GTF2IRD1: variants seen among roughly 807,000 people sequenced by gnomAD.
The protein encoded by GTF2IRD1 is GTF2I repeat domain containing 1.
A neutral mutation model predicts 113.2 loss-of-function variants in GTF2IRD1; 26 were observed. That is an observed-to-expected ratio of 0.23 (90% CI 0.17 to 0.32). The LOEUF (loss-of-function observed/expected upper bound fraction) is 0.32. Among genes scored for constraint, GTF2IRD1 ranks in the 10% least tolerant of loss-of-function variants. The pLI, the probability that GTF2IRD1 is intolerant of heterozygous loss-of-function variation, is 1.00. For missense variants in GTF2IRD1, 864 were observed against 1,280.8 expected (o/e 0.67, Z 4.97); for synonymous variants, 484 against 529.1 (o/e 0.91, Z 1.17).
At chr7:74,507,978 G>T in intron 1 of GTF2IRD1, 97 bp from the exon 2 acceptor site, 1 of 1,372,800 alleles carries the variant, frequency 7.3e-7, no homozygotes, top group East Asian at 2.5e-5. Context: ...AGGCGGTCTT[G>T]GGAGTCCGGG....
chr7:74,472,009 CAAACA>C (rs1554332541), intron 1 of GTF2IRD1, among the ~76,000 whole-genome samples: 1 of 152,104 alleles, frequency 6.6e-6, no homozygotes, highest in Non-Finnish European at 1.5e-5. Context: ...AACAAACAAA[CAAACA>C]AAACAGAACA....
intron 5 of GTF2IRD1, among the ~76,000 whole-genome samples, chr7:74,518,568 A>C (rs1411852890): frequency 6.6e-6 from 1 of 152,132 alleles, no homozygotes; most frequent in Non-Finnish European, 1.5e-5. Context: ...ACTTGAAGAG[A>C]CATGACTTGG....
At chr7:74,588,419 T>G (rs1296650833) in intron 22 of GTF2IRD1, among the ~76,000 whole-genome samples, 4 of 152,096 alleles carry the variant, frequency 2.6e-5, no homozygotes, top group Non-Finnish European at 4.4e-5. Context: ...ACACAAGATC[T>G]TTCACGCTTG....
intron 1 of GTF2IRD1, among the ~76,000 whole-genome samples, chr7:74,496,041 T>C (rs1554337781): frequency 6.8e-6 from 1 of 147,654 alleles, no homozygotes; most frequent in Non-Finnish European, 1.5e-5. Flanking sequence ...TGAGTGTGCA[T>C]GTGTGCACAC....
chr7:74,562,386 G>C (rs1249253078), intron 22 of GTF2IRD1, among the ~76,000 whole-genome samples: 6 of 152,026 alleles, frequency 3.9e-5, no homozygotes, highest in African/African-American at 4.8e-5. Flanking sequence ...ATGGGAAAGT[G>C]CCGCCTCATT....
intron 1 of GTF2IRD1, among the ~76,000 whole-genome samples, chr7:74,504,962 C>G (rs1455257156): frequency 2.0e-5 from 3 of 151,966 alleles, no homozygotes; most frequent in African/African-American, 7.2e-5. Context: ...CCTGCTTCAC[C>G]CTCTCAAAGC....
intron 1 of GTF2IRD1, among the ~76,000 whole-genome samples, chr7:74,477,952 C>G (rs1486974275): frequency 6.6e-6 from 1 of 152,184 alleles, no homozygotes; most frequent in Admixed American, 6.5e-5. Flanking sequence ...CCCAGGGCCC[C>G]CCTGCACTGC....
At chr7:74,535,584 G>A (rs1308193190) in intron 10 of GTF2IRD1, among the ~76,000 whole-genome samples, 1 of 152,238 alleles carries the variant, frequency 6.6e-6, no homozygotes, top group East Asian at 1.9e-4. Context: ...AGCCCATGCA[G>A]TGGCCCGTGG....
At chr7:74,470,544 A>G (rs1456954412) in intron 1 of GTF2IRD1, among the ~76,000 whole-genome samples, 1 of 152,172 alleles carries the variant, frequency 6.6e-6, no homozygotes, top group Admixed American at 6.6e-5. Context: ...CCTATGAGAA[A>G]TGAAAGCTCA....
intron 1 of GTF2IRD1, among the ~76,000 whole-genome samples, chr7:74,466,396 T>G (rs1183926094): frequency 6.6e-6 from 1 of 152,106 alleles, no homozygotes; most frequent in African/African-American, 2.4e-5. Context: ...GATCTGTATC[T>G]GATGGCCTCA....
At chr7:74,499,448 GAGAA>G (rs148926407) in intron 1 of GTF2IRD1, among the ~76,000 whole-genome samples, 4,855 of 151,956 alleles carry the variant, frequency 0.032, 136 homozygotes, top group Non-Finnish European at 0.042. Context: ...GAGGGAGAGA[GAGAA>G]GGAAGGAAGG....
At chr7:74,491,311 CTTT>C (rs1178298791) in intron 1 of GTF2IRD1, among the ~76,000 whole-genome samples, 12 of 95,700 alleles carry the variant, frequency 1.3e-4, no homozygotes, top group East Asian at 3.1e-4. Flanking sequence ...AAAAAAAATT[CTTT>C]TTTTTTTTTT....
Position 74,521,291 on chromosome 7 carries a change from A to G in GTF2IRD1, c.1000A>G (p.Lys334Glu). 6.2e-7 allele frequency: 1 copy of G among 1,605,768 alleles called. No individual in the cohort carries two copies. The highest frequency in any genetic ancestry group is 8.5e-7 in the Non-Finnish European group (1 of 1,172,822). ...CATTCTCTTCTCCATCGTCCATGAC[A>G]AGTCAGGTAGGACAGCGCCCACGAA... ...KRILFSIVHD[K>E]SEKWDAFIKE... The change falls in exon 7 of 27, where the codon AAG (lysine) becomes GAG (glutamate). Residue 334 changes from lysine (K) to glutamate (E), a missense_variant. Coordinates refer to ENST00000424337, the MANE Select transcript of GTF2IRD1 (RefSeq NM_005685.4).
At chr7:74,557,063 A>G (rs1362265732) in intron 19 of GTF2IRD1, among the ~76,000 whole-genome samples, 1 of 152,122 alleles carries the variant, frequency 6.6e-6, no homozygotes, top group East Asian at 1.9e-4. Context: ...CAACATGGCG[A>G]AACCCCATCT....
At chr7:74,461,856 G>A (rs1793392275) in intron 1 of GTF2IRD1, among the ~76,000 whole-genome samples, 1 of 152,308 alleles carries the variant, frequency 6.6e-6, no homozygotes. Flanking sequence ...TGGGATTACA[G>A]GCGTGAGCCA....
intron 17 of GTF2IRD1, among the ~76,000 whole-genome samples, chr7:74,554,787 C>A (rs1799500821): frequency 6.6e-6 from 1 of 152,184 alleles, no homozygotes; most frequent in African/African-American, 2.4e-5. Context: ...ATCTGCCCTC[C>A]TCGGCCTCCC....
intron 9 of GTF2IRD1, among the ~76,000 whole-genome samples, chr7:74,532,782 C>T (rs782321775): frequency 1.3e-5 from 2 of 152,168 alleles, no homozygotes; most frequent in Non-Finnish European, 2.9e-5. Flanking sequence ...GGCTCTGCCT[C>T]CCAGGACTGG....
chr7:74,505,922 C>T (rs1554340943), intron 1 of GTF2IRD1: 2 of 152,232 alleles, frequency 1.3e-5, no homozygotes, highest in South Asian at 2.1e-4. Flanking sequence ...TCATCCCCTC[C>T]GCATCCCTTA....
Position 74,507,972 on chromosome 7 carries a change from G to A in GTF2IRD1, c.-6-103G>A, listed in dbSNP as rs559495343. The A allele has an allele frequency of 2.9e-5, 38 of 1,307,278 alleles. No homozygotes were observed. In the East Asian group the frequency reaches 5.0e-4, roughly 17 times the overall value. The allele number at this position is 1,307,278 out of a possible 1,614,324, so 81.0% of individuals were successfully genotyped here. On this transcript the variant is annotated intron_variant, in intron 1 of 26. Transcript: ENST00000424337. ...GAAGGTCAGCCCTGGATACAGAGGC[G>A]GTCTTGGGAGTCCGGGGGTCAGGTG... is the stretch of plus-strand genomic sequence containing the variant.
Sources: allele counts gnomAD v4.1 joint callset (sites outside exome capture counted in the v4.1 genomes callset), GRCh38; gene constraint gnomAD v4.1.1; transcripts MANE v1.5; gene names NCBI Gene and HGNC (gene_info 2026-07-23, HGNC 2026-07-21).